The following UBE2Q2 variants were observed in gnomAD, a reference collection of about 807,000 sequenced individuals.
The protein encoded by UBE2Q2 is ubiquitin-conjugating enzyme E2 Q2.
A neutral mutation model predicts 59.9 loss-of-function variants in UBE2Q2; 54 were observed. That is an observed-to-expected ratio of 0.90 (90% confidence interval 0.72 to 1.13). The LOEUF is 1.13. Ranked by LOEUF, UBE2Q2 falls within the 50% of genes most tolerant of loss-of-function variation. The pLI is 0.00. For synonymous variants in UBE2Q2, 165 were observed against 155.2 expected, an observed-to-expected ratio of 1.06 and a Z score of -0.47; for missense variants, 433 against 441.9, an observed-to-expected ratio of 0.98 and a Z score of 0.18.
chr15:75,857,253 T>TA (rs1896965857), intron 2 of UBE2Q2, among the ~76,000 whole-genome samples: 1 of 152,226 alleles, frequency 6.6e-6, no homozygotes, highest in African/African-American at 2.4e-5. Context: ...ATAGTTCTGT[T>TA]ACTGCTACCT....
chr15:75,887,561 C>T (rs1237515975), intron 9 of UBE2Q2, among the ~76,000 whole-genome samples: 1 of 150,264 alleles, frequency 6.7e-6, no homozygotes, highest in Non-Finnish European at 1.5e-5. Context: ...GGACTGGCCA[C>T]AGATCTTTTT....
chr15:75,888,839 C>T (rs535478339), intron 9 of UBE2Q2, among the ~76,000 whole-genome samples: 4 of 152,172 alleles, frequency 2.6e-5, no homozygotes, highest in Non-Finnish European at 5.9e-5. Context: ...TTTCTTCCCC[C>T]CACCTCTTAA....
chr15:75,844,055 G>C, intron 1 of UBE2Q2: 3 of 1,408,358 alleles, frequency 2.1e-6, no homozygotes, highest in Non-Finnish European at 2.8e-6. Flanking sequence ...CGTCTTTCCG[G>C]CTTCTCGCCA....
chr15:75,890,873 A>T lies in UBE2Q2; in HGVS notation c.934-46A>T, dbSNP rs372325632. The T allele has an allele frequency of 8.4e-6, 13 of 1,539,908 alleles. No homozygotes were observed. In the African/African-American group the frequency reaches 1.8e-4, roughly 21 times the overall value. ...ATTTTGTTAGGCCTTCCCAAGTGGG[A>T]ATCAGAAATACTACTGTATTTTAGA... On this transcript the variant is annotated intron_variant, in intron 10 of 12. Coordinates refer to ENST00000267938, the MANE Select transcript of UBE2Q2 (RefSeq NM_173469.4).
Position 75,882,368 on chromosome 15 carries a change from A to C in UBE2Q2, c.826-998A>C, listed in dbSNP as rs188411782. On this transcript the variant is annotated intron_variant, in intron 8 of 12. Transcript: ENST00000267938. ...CCTGAGGAACTTTTTATTTCTGTAA[A>C]ATCTGGATTCCTGAGTTCCAGGGTA... Among the ~76,000 whole-genome samples the C allele has an allele frequency of 6.6e-3, 1,005 of 152,260 alleles. 4 individuals carry two copies. Among genetic ancestry groups the C allele is most frequent in the South Asian group, 0.022 (104 of 4,816 alleles).
intron 6 of UBE2Q2, among the ~76,000 whole-genome samples, chr15:75,876,783 C>A (rs1384067731): frequency 1.3e-5 from 2 of 152,092 alleles, no homozygotes; most frequent in Non-Finnish European, 2.9e-5. Context: ...TGTTATGGAA[C>A]CTCTCTAACT....
At chr15:75,897,571 G>C (rs890776806) in intron 12 of UBE2Q2, among the ~76,000 whole-genome samples, 2 of 151,394 alleles carry the variant, frequency 1.3e-5, no homozygotes, top group African/African-American at 2.4e-5. Context: ...ACTTGGCCTA[G>C]GTATCTCAGA....
At position 75,879,042 on chromosome 15, in the gene UBE2Q2, A is replaced by T. The variant is rs182046777; in HGVS notation, c.735-56A>T. Reference sequence around the variant, plus strand: ...TACTAGTTCATTTTTGAGTTTAGTTAAAAAAAAAAATCTCTAACTTTTTAT... The same window carrying T: ...TACTAGTTCATTTTTGAGTTTAGTTTAAAAAAAAAATCTCTAACTTTTTAT... On this transcript the variant is annotated intron_variant, in intron 7 of 12. Coordinates refer to ENST00000267938, the MANE Select transcript of UBE2Q2 (RefSeq NM_173469.4). The T allele has an allele frequency of 5.4e-3, 2,759 of 512,260 alleles. 24 individuals carry two copies. Among genetic ancestry groups the T allele is most frequent in the East Asian group, 0.049 (746 of 15,224 alleles). The allele number at this position is 512,260 out of a possible 1,614,324, so 31.7% of individuals were successfully genotyped here.
At chr15:75,855,258 A>G (rs1896842837) in intron 2 of UBE2Q2, among the ~76,000 whole-genome samples, 2 of 152,198 alleles carry the variant, frequency 1.3e-5, no homozygotes, top group Admixed American at 6.5e-5. Context: ...TAGGAAGCTG[A>G]GGCGGGCGGA....
intron 3 of UBE2Q2, among the ~76,000 whole-genome samples, chr15:75,868,029 A>C (rs1368286229): frequency 1.3e-5 from 2 of 152,234 alleles, no homozygotes; most frequent in Non-Finnish European, 2.9e-5. Flanking sequence ...TTTACATGGA[A>C]TTCTCCAGCT....
chr15:75,850,304 T>A (rs1227629528), intron 1 of UBE2Q2, among the ~76,000 whole-genome samples: 2 of 152,246 alleles, frequency 1.3e-5, no homozygotes, highest in Non-Finnish European at 2.9e-5. Flanking sequence ...TATCTGCTCA[T>A]CTCTTTTCTC....
At chr15:75,860,137 T>C (rs1303091513) in intron 3 of UBE2Q2, among the ~76,000 whole-genome samples, 155 bp downstream of exon 3, 1 of 152,250 alleles carries the variant, frequency 6.6e-6, no homozygotes, top group Non-Finnish European at 1.5e-5. Context: ...TTTTAGGTAC[T>C]AAAAATAAAC....
chr15:75,857,240 G>GA (rs1422102775), intron 2 of UBE2Q2, among the ~76,000 whole-genome samples: 1 of 152,054 alleles, frequency 6.6e-6, no homozygotes, highest in Non-Finnish European at 1.5e-5. Context: ...AAGAGTGGTA[G>GA]ACATAGTTCT....
Position 75,893,724 on chromosome 15 carries a change from A to G in UBE2Q2, c.1029+2710A>G, listed in dbSNP as rs1007360471. Among the ~76,000 whole-genome samples the G allele has an allele frequency of 5.3e-5, 8 of 152,210 alleles. No individual in the cohort carries two copies. In the East Asian group the frequency reaches 1.5e-3, roughly 29 times the overall value. ...ACAGTTGGTACCATACATACCATAT[A>G]ATTTAAATATGAAGCAATTAAGGTT... On this transcript the variant is annotated intron_variant, in intron 11 of 12. Transcript: ENST00000267938.
At chr15:75,855,519 C>A in intron 2 of UBE2Q2, among the ~76,000 whole-genome samples, 1 of 151,814 alleles carries the variant, frequency 6.6e-6, no homozygotes, top group South Asian at 2.1e-4. Flanking sequence ...CTGTATTTTC[C>A]CATGATGTCA....
chr15:75,893,112 G>T (rs1899196612), intron 11 of UBE2Q2, among the ~76,000 whole-genome samples: 1 of 152,044 alleles, frequency 6.6e-6, no homozygotes, highest in Non-Finnish European at 1.5e-5. Context: ...AGAAATAGAA[G>T]TTGTAAAGGT....
At chr15:75,850,433 A>G (rs1172661999) in intron 1 of UBE2Q2, among the ~76,000 whole-genome samples, 2 of 152,202 alleles carry the variant, frequency 1.3e-5, no homozygotes, top group Non-Finnish European at 2.9e-5. Context: ...GGCAAGATGA[A>G]TTCTGACCAC....
intron 1 of UBE2Q2, among the ~76,000 whole-genome samples, chr15:75,847,680 C>T (rs548645986): frequency 2.6e-5 from 4 of 152,140 alleles, no homozygotes; most frequent in Admixed American, 2.6e-4. Context: ...TTATTGGGAG[C>T]TAGTATATGG....
intron 3 of UBE2Q2, among the ~76,000 whole-genome samples, chr15:75,868,591 A>G (rs1275669668): frequency 6.6e-6 from 1 of 152,130 alleles, no homozygotes; most frequent in Non-Finnish European, 1.5e-5. Context: ...AGTTTGGGAG[A>G]TTTTATTTTA....
Sources: allele counts gnomAD v4.1 joint callset (sites outside exome capture counted in the v4.1 genomes callset), GRCh38; gene constraint gnomAD v4.1.1; transcripts MANE v1.5; gene names NCBI Gene and HGNC (gene_info 2026-07-23, HGNC 2026-07-21).